The following BICRAL variants were observed in gnomAD, a reference collection of about 807,000 sequenced individuals.
The protein encoded by BICRAL is BRD4-interacting chromatin-remodeling complex-associated protein-like.
A neutral mutation model predicts 91.8 loss-of-function variants in BICRAL; 8 were observed. The ratio of observed to expected loss-of-function variants is 0.09; its 90% CI spans 0.05 to 0.16. BICRAL has a LOEUF of 0.16. Ranked by LOEUF, BICRAL falls within the 10% of genes least tolerant of loss-of-function variation. The pLI, the probability that BICRAL is intolerant of heterozygous loss-of-function variation, is 1.00. For synonymous variants in BICRAL, 445 were observed against 491.1 expected (o/e 0.91, Z 1.24); for missense variants, 1,038 against 1,310.9 (o/e 0.79, Z 3.21).
chr6:42,756,543 A>C (rs1479019010), intron 1 of BICRAL, among the ~76,000 whole-genome samples: 1 of 151,700 alleles, frequency 6.6e-6, no homozygotes, highest in South Asian at 2.1e-4. Context: ...TGATCTTCCA[A>C]CTGCTTTCTA....
intron 6 of BICRAL, among the ~76,000 whole-genome samples, chr6:42,850,532 A>AT (rs1255641805): frequency 1.3e-5 from 2 of 151,708 alleles, no homozygotes; most frequent in Non-Finnish European, 2.9e-5. Flanking sequence ...AAAAAAAAAA[A>AT]CAAGAAAAAA....
chr6:42,750,449 C>G (rs1762358022), intron 1 of BICRAL, among the ~76,000 whole-genome samples: 1 of 152,054 alleles, frequency 6.6e-6, no homozygotes, highest in Non-Finnish European at 1.5e-5. Flanking sequence ...CAGGTGTGAG[C>G]CCCCACGCCT....
intron 6 of BICRAL, among the ~76,000 whole-genome samples, chr6:42,850,491 G>A (rs1411238835): frequency 2.0e-5 from 3 of 151,802 alleles, no homozygotes; most frequent in Non-Finnish European, 4.4e-5. Context: ...CTGCAGGCCA[G>A]CCTGGGCAAC....
intron 5 of BICRAL, among the ~76,000 whole-genome samples, chr6:42,824,720 A>G (rs1273800338): frequency 1.3e-5 from 2 of 152,268 alleles, no homozygotes; most frequent in Non-Finnish European, 2.9e-5. Context: ...TAAAGAAATT[A>G]TTCTTAATTC....
intron 6 of BICRAL, among the ~76,000 whole-genome samples, chr6:42,831,477 T>A (rs1764475502): frequency 6.6e-6 from 1 of 152,202 alleles, no homozygotes; most frequent in Admixed American, 6.5e-5. Context: ...GTAAACCACA[T>A]AAGGATTATG....
chr6:42,804,635 A>C (rs535280354), intron 1 of BICRAL, among the ~76,000 whole-genome samples: 1 of 152,276 alleles, frequency 6.6e-6, no homozygotes, highest in East Asian at 1.9e-4. Flanking sequence ...AGTTTTGGGG[A>C]CATCAAGTGG....
intron 1 of BICRAL, among the ~76,000 whole-genome samples, chr6:42,782,767 G>A (rs1479137500): frequency 2.6e-5 from 4 of 151,972 alleles, no homozygotes; most frequent in East Asian, 1.9e-4. Flanking sequence ...GGGAAGGAGG[G>A]AGCAGGGCTC....
chr6:42,794,884 C>T (rs1161892931), intron 1 of BICRAL, among the ~76,000 whole-genome samples: 1 of 151,482 alleles, frequency 6.6e-6, no homozygotes, highest in East Asian at 1.9e-4. Flanking sequence ...TTGCTTGAAC[C>T]CGGGAGGCGG....
At chr6:42,832,333 CAG>C (rs1197641994) in intron 6 of BICRAL, among the ~76,000 whole-genome samples, 1 of 149,014 alleles carries the variant, frequency 6.7e-6, no homozygotes, top group East Asian at 2.0e-4. Flanking sequence ...GGGCAACAGA[CAG>C]AGTGAGACTC....
chr6:42,756,928 C>CA (rs1562448075), intron 1 of BICRAL, among the ~76,000 whole-genome samples: 3 of 106,928 alleles, frequency 2.8e-5, no homozygotes, highest in African/African-American at 1.0e-4. Flanking sequence ...CTCCCCCCCC[C>CA]CCACCCTCCC....
At chr6:42,857,637 T>TATATATATATTTA (rs1554283197) in intron 10 of BICRAL, among the ~76,000 whole-genome samples, 1 of 94,214 alleles carries the variant, frequency 1.1e-5, no homozygotes, top group African/African-American at 6.8e-5. Flanking sequence ...ATATATATAT[T>TATATATATATTTA]TTTTAGGAGG....
intron 1 of BICRAL, among the ~76,000 whole-genome samples, chr6:42,757,767 C>T (rs1251527607): frequency 1.3e-5 from 2 of 152,178 alleles, no homozygotes; most frequent in Admixed American, 1.3e-4. Flanking sequence ...TCACAACATC[C>T]CTGTGATGTA....
intron 1 of BICRAL, among the ~76,000 whole-genome samples, chr6:42,783,141 C>A (rs1258817584): frequency 1.3e-5 from 2 of 151,348 alleles, no homozygotes; most frequent in African/African-American, 4.8e-5. Flanking sequence ...CCCGTTCCCG[C>A]TCCCGCTCCG....
At chr6:42,846,210 A>G (rs1205712408) in intron 6 of BICRAL, among the ~76,000 whole-genome samples, 1 of 151,650 alleles carries the variant, frequency 6.6e-6, no homozygotes, top group Non-Finnish European at 1.5e-5. Context: ...CCCCATCTCT[A>G]CTAAAAATAC....
At chr6:42,758,227 A>G (rs1203299191) in intron 1 of BICRAL, among the ~76,000 whole-genome samples, 1 of 151,948 alleles carries the variant, frequency 6.6e-6, no homozygotes, top group African/African-American at 2.4e-5. Context: ...GCTTCCCTGA[A>G]TCCCCCAGTT....
intron 6 of BICRAL, among the ~76,000 whole-genome samples, chr6:42,846,231 C>T (rs1010594812): frequency 6.6e-6 from 1 of 150,884 alleles, no homozygotes; most frequent in African/African-American, 2.4e-5. Flanking sequence ...AAAAATTAGC[C>T]GGGCGTGGTG....
chr6:42,837,245 T>C (rs1409839757), intron 6 of BICRAL, among the ~76,000 whole-genome samples: 2 of 151,836 alleles, frequency 1.3e-5, no homozygotes, highest in African/African-American at 4.8e-5. Context: ...CTGCACTCAG[T>C]TTTTCTGTGT....
In BICRAL at chr6:42,867,542, C is replaced by G. The variant is rs1160361979; in HGVS notation, c.*2096C>G. 6.6e-6 allele frequency: 1 copy of G among 152,552 alleles called. No homozygotes were observed. The highest frequency in any genetic ancestry group is 1.5e-5 in the Non-Finnish European group (1 of 68,026). 9.4% of individuals were successfully genotyped at this position (152,552 alleles called of 1,614,324 possible). A position where few individuals can be genotyped will look rare whatever the true frequency, so the allele number is the denominator to read the frequency against. ...CTTGGGGCTCATGCTCCCCTAATTC[C>G]TAGCAAGATGATCCTTCCTAATCAA... On this transcript the variant is annotated 3_prime_UTR_variant, in exon 13 of 13. Coordinates refer to ENST00000314073, the MANE Select transcript of BICRAL (RefSeq NM_001393499.1).
intron 1 of BICRAL, among the ~76,000 whole-genome samples, chr6:42,806,513 ATT>A (rs758423036): frequency 1.4e-4 from 19 of 140,142 alleles, no homozygotes; most frequent in Admixed American, 2.1e-4. Context: ...CACCCAGCTA[ATT>A]TTTTTTTTTT....
Sources: allele counts gnomAD v4.1 joint callset (sites outside exome capture counted in the v4.1 genomes callset), GRCh38; gene constraint gnomAD v4.1.1; transcripts MANE v1.5; gene names NCBI Gene and HGNC (gene_info 2026-07-23, HGNC 2026-07-21).